Variants in SEMA5A observed in about 807,000 individuals in gnomAD.
SEMA5A encodes semaphorin 5A, also known as semaphorin-5A.
SEMA5A carries 55 observed loss-of-function variants against 135.5 expected under a neutral mutation model. The ratio of observed to expected loss-of-function variants is 0.41; its 90% CI spans 0.33 to 0.51. The LOEUF is 0.51. SEMA5A is among the 20% of genes least tolerant of loss of function. SEMA5A has a pLI of 0.37. For synonymous variants in SEMA5A, 580 were observed against 546.5 expected, an observed-to-expected ratio of 1.06 and a Z score of -0.85; for missense variants, 1,290 against 1,419.9, an observed-to-expected ratio of 0.91 and a Z score of 1.47.
At chr5:9,169,337 A>T (rs1231120645) in intron 11 of SEMA5A, among the ~76,000 whole-genome samples, 1 of 152,134 alleles carries the variant, frequency 6.6e-6, no homozygotes, top group Non-Finnish European at 1.5e-5. Context: ...ACCACCTCTT[A>T]AGTTTCTCCT....
chr5:9,483,431 G>A (rs62341319), intron 1 of SEMA5A, among the ~76,000 whole-genome samples: 2,275 of 152,266 alleles, frequency 0.015, 30 homozygotes, highest in Non-Finnish European at 0.021. Context: ...GAGACAACAG[G>A]AAGAGGTAAA....
chr5:9,536,929 G>A (rs1405334771), intron 1 of SEMA5A, among the ~76,000 whole-genome samples: 2 of 152,158 alleles, frequency 1.3e-5, no homozygotes, highest in Non-Finnish European at 2.9e-5. Context: ...TTGGACATGG[G>A]CACCCTGCCA....
chr5:9,344,921 C>T (rs1161170287), intron 3 of SEMA5A, among the ~76,000 whole-genome samples: 1 of 152,084 alleles, frequency 6.6e-6, no homozygotes, highest in Non-Finnish European at 1.5e-5. Context: ...TGTGTTACAC[C>T]ACCTGCCCAA....
chr5:9,071,913 A>G (rs954406979), intron 16 of SEMA5A, among the ~76,000 whole-genome samples: 2 of 152,228 alleles, frequency 1.3e-5, no homozygotes, highest in Non-Finnish European at 2.9e-5. Context: ...CAAAGAGCCA[A>G]AACACTCAAG....
chr5:9,358,535 A>G (rs538820033), intron 3 of SEMA5A, among the ~76,000 whole-genome samples: 162 of 152,296 alleles, frequency 1.1e-3, no homozygotes, highest in Non-Finnish European at 1.8e-3. Context: ...CAATTTGTCT[A>G]TTGACACATC....
intron 2 of SEMA5A, among the ~76,000 whole-genome samples, chr5:9,388,672 G>A (rs1474006962): frequency 6.6e-6 from 1 of 152,084 alleles, no homozygotes; most frequent in Non-Finnish European, 1.5e-5. Context: ...GGCCGAGGTG[G>A]GCGGATCATG....
At chr5:9,443,976 T>A (rs532531312) in intron 1 of SEMA5A, among the ~76,000 whole-genome samples, 1 of 152,322 alleles carries the variant, frequency 6.6e-6, no homozygotes, top group East Asian at 1.9e-4. Flanking sequence ...ACCCCACCCC[T>A]TCTCTCCTCT....
At chr5:9,218,699 C>G (rs990842090) in intron 8 of SEMA5A, among the ~76,000 whole-genome samples, 2 of 152,186 alleles carry the variant, frequency 1.3e-5, no homozygotes, top group Non-Finnish European at 2.9e-5. Context: ...ATGTAAGCAG[C>G]TGCTAGCTGA....
At chr5:9,061,548 G>A (rs1443318185) in intron 18 of SEMA5A, among the ~76,000 whole-genome samples, 1 of 152,142 alleles carries the variant, frequency 6.6e-6, no homozygotes, top group Non-Finnish European at 1.5e-5. Context: ...AGGAGAGCAG[G>A]AAGTGGGAAG....
intron 10 of SEMA5A, among the ~76,000 whole-genome samples, chr5:9,191,116 G>A (rs1267484859): frequency 6.6e-6 from 1 of 152,192 alleles, no homozygotes; most frequent in African/African-American, 2.4e-5. Context: ...AGAAGAACAG[G>A]AGATGAGGAG....
At position 9,154,712 on chromosome 5, in the gene SEMA5A, A is replaced by T; in HGVS notation, c.1274-17T>A. 6.2e-7 allele frequency: 1 copy of T among 1,610,080 alleles called. No homozygotes were observed. On this transcript the variant is annotated splice_polypyrimidine_tract_variant and intron_variant, in intron 11 of 22. Coordinates refer to ENST00000382496, the MANE Select transcript of SEMA5A (RefSeq NM_003966.3). Reference sequence around the variant, plus strand: ...TTCCGTAATCTATGAAGGTCACAGGATGAAAAGGAAACAAGGTCAGAGGGT... The same window carrying T: ...TTCCGTAATCTATGAAGGTCACAGGTTGAAAAGGAAACAAGGTCAGAGGGT...
chr5:9,190,663 A>G (rs1419661176), intron 10 of SEMA5A, among the ~76,000 whole-genome samples, 192 bp from the exon 11 acceptor site: 7 of 152,110 alleles, frequency 4.6e-5, no homozygotes, highest in African/African-American at 1.7e-4. Flanking sequence ...TTAGATTTGA[A>G]CTCATATCTT....
Position 9,190,280 on chromosome 5 carries a change from G to T in SEMA5A, c.1260C>A (p.Ile420=). The T allele has an allele frequency of 6.2e-7, 1 of 1,614,094 alleles. No individual in the cohort carries two copies. Among genetic ancestry groups the T allele is most frequent in the Non-Finnish European group, 8.5e-7 (1 of 1,180,024 alleles). ...VQGREALVHI[I]YLATDYGTIK... is the part of the protein sequence containing the mutation. Reference sequence around the variant, plus strand: ...CAGAGCTCCTACCTGTGGCCAAATAGATGATGTGGACGAGCGCTTCTCTGC... The same window carrying T: ...CAGAGCTCCTACCTGTGGCCAAATATATGATGTGGACGAGCGCTTCTCTGC... The change falls in exon 11 of 23, where the codon ATC becomes ATA. Residue 420 remains isoleucine, a synonymous_variant. Coordinates refer to ENST00000382496, the MANE Select transcript of SEMA5A (RefSeq NM_003966.3).
At chr5:9,426,489 T>A (rs1023995836) in intron 2 of SEMA5A, among the ~76,000 whole-genome samples, 1 of 53,778 alleles carries the variant, frequency 1.9e-5, no homozygotes, top group Admixed American at 1.7e-4. Flanking sequence ...ATGTGTATTG[T>A]CATTGCTACA....
intron 2 of SEMA5A, among the ~76,000 whole-genome samples, chr5:9,404,493 CT>C (rs1322016845): frequency 6.6e-6 from 1 of 152,206 alleles, no homozygotes; most frequent in African/African-American, 2.4e-5. Context: ...CCATAATCTT[CT>C]AATACCAGTA....
chr5:9,055,536 A>T (rs1305702047), intron 18 of SEMA5A, among the ~76,000 whole-genome samples: 2 of 152,228 alleles, frequency 1.3e-5, no homozygotes, highest in Non-Finnish European at 2.9e-5. Context: ...GTCATGATGT[A>T]TTACATCATT....
chr5:9,135,784 G>C (rs1330233044), intron 13 of SEMA5A, among the ~76,000 whole-genome samples: 2 of 152,218 alleles, frequency 1.3e-5, no homozygotes, highest in East Asian at 3.9e-4. Context: ...GAGAATTTAA[G>C]ATGATTCAAT....
At chr5:9,168,383 C>T (rs1448008236) in intron 11 of SEMA5A, among the ~76,000 whole-genome samples, 1 of 152,162 alleles carries the variant, frequency 6.6e-6, no homozygotes, top group African/African-American at 2.4e-5. Context: ...TCCATATCAC[C>T]AGATGCCAAC....
At chr5:9,137,349 T>A (rs1403146448) in intron 12 of SEMA5A, among the ~76,000 whole-genome samples, 1 of 152,258 alleles carries the variant, frequency 6.6e-6, no homozygotes, top group Non-Finnish European at 1.5e-5. Flanking sequence ...AGAAGTATTT[T>A]AGATGGCGGA....
Sources: gnomAD v4.1 joint callset for allele counts (sites outside exome capture counted in the v4.1 genomes callset) on GRCh38, gnomAD v4.1.1 for gene constraint, MANE v1.5 for transcripts, NCBI Gene and HGNC (gene_info 2026-07-23, HGNC 2026-07-21) for gene names.